The following FILIP1L variants were observed in gnomAD, a reference collection of about 807,000 sequenced individuals.
FILIP1L encodes the protein filamin A interacting protein 1 like.
Under a neutral mutation model 96.6 loss-of-function variants are expected in FILIP1L, and 55 were observed. The observed-to-expected ratio is 0.57, with a 90% CI of 0.46 to 0.71. The LOEUF (loss-of-function observed/expected upper bound fraction) is 0.71, where lower values mean the gene tolerates loss of function less well. Ranked by LOEUF, FILIP1L falls within the 30% of genes least tolerant of loss-of-function variation. FILIP1L has a pLI of 0.00. For missense variants in FILIP1L, 1,304 were observed against 1,321.2 expected (o/e 0.99, Z 0.20); for synonymous variants, 467 against 473.9 (o/e 0.99, Z 0.19).
chr3:99,980,324 C>T (rs1164811165), intron 1 of FILIP1L, among the ~76,000 whole-genome samples: 2 of 152,058 alleles, frequency 1.3e-5, no homozygotes, highest in African/African-American at 2.4e-5. Flanking sequence ...TTTGCTCACC[C>T]GTAATCTCTG....
intron 1 of FILIP1L, among the ~76,000 whole-genome samples, chr3:99,988,433 A>G (rs1468948298): frequency 6.9e-6 from 1 of 145,402 alleles, no homozygotes; most frequent in African/African-American, 2.6e-5. Flanking sequence ...AATCGCTTGA[A>G]TGTGGGAGGC....
chr3:99,829,224 A>G lies in FILIP1L; in HGVS notation c.*1190T>C, dbSNP rs1942598062. ...CACAAAAAATGTTTAGTGTCGTTCCATTGATTTTTTTCCCCCCTCGATTGA... is the reference window on the plus strand; with the variant it reads ...CACAAAAAATGTTTAGTGTCGTTCCGTTGATTTTTTTCCCCCCTCGATTGA... On this transcript the variant is annotated 3_prime_UTR_variant, in exon 6 of 6. Transcript: ENST00000477258. 9.5e-6 allele frequency among the ~76,000 whole-genome samples: 1 copy of G among 104,726 alleles called. No homozygotes were observed. The highest frequency in any genetic ancestry group is 3.1e-5 in the African/African-American group (1 of 32,636). The allele number at this position is 104,726 out of a possible 152,430, so 68.7% of individuals were successfully genotyped here.
intron 1 of FILIP1L, among the ~76,000 whole-genome samples, chr3:99,944,597 C>G (rs965857358): frequency 5.3e-5 from 8 of 152,176 alleles, no homozygotes; most frequent in African/African-American, 1.7e-4. Context: ...GTTAAAGTAA[C>G]CGAAACCTAA....
At chr3:100,075,176 AGAAATGATCAACCT>A (rs1164521940) in intron 1 of FILIP1L, among the ~76,000 whole-genome samples, 2 of 152,246 alleles carry the variant, frequency 1.3e-5, no homozygotes, top group African/African-American at 2.4e-5. Flanking sequence ...CGTCAAAACC[AGAAATGATCAACCT>A]GAAACACTTC....
At chr3:100,001,282 A>G (rs1709834455) in intron 1 of FILIP1L, among the ~76,000 whole-genome samples, 1 of 152,224 alleles carries the variant, frequency 6.6e-6, no homozygotes, top group African/African-American at 2.4e-5. Flanking sequence ...TTATTGGAAC[A>G]TGGCTATACT....
chr3:99,837,947 A>G (rs904515031), intron 5 of FILIP1L, among the ~76,000 whole-genome samples: 1 of 152,210 alleles, frequency 6.6e-6, no homozygotes, highest in African/African-American at 2.4e-5. Flanking sequence ...GCAGCCACCT[A>G]CTTATAAGCT....
intron 1 of FILIP1L, among the ~76,000 whole-genome samples, chr3:99,979,755 A>G (rs1159332694): frequency 6.6e-6 from 1 of 152,168 alleles, no homozygotes; most frequent in Admixed American, 6.5e-5. Flanking sequence ...TTGCTCTAGT[A>G]TTGTAAGGAT....
In FILIP1L at chr3:99,924,312, A is replaced by G; in HGVS notation, c.523T>C (p.Leu175=). ...TTATGTTTTCTCTTTTCTTCCTCCA[A>G]CTCCAATATGGTTTGCCTACGGGAT... ...EKSRRQTILE[L]EEEKRKHKEY... is the part of the protein sequence containing the mutation. Residue 175 remains leucine, a synonymous_variant, in exon 4 of 6, where the codon TTG becomes CTG. Coordinates refer to ENST00000477258, the MANE Select transcript of FILIP1L (RefSeq NM_001387850.1). 1 of 1,613,578 alleles carries G rather than the reference A, an allele frequency of 6.2e-7. No individual in the cohort carries two copies.
chr3:99,856,218 G>C (rs750952824), intron 4 of FILIP1L, among the ~76,000 whole-genome samples: 26 of 152,366 alleles, frequency 1.7e-4, no homozygotes, highest in Non-Finnish European at 2.9e-4. Context: ...TTCCAACCCA[G>C]GAAGATGCAC....
chr3:100,061,338 G>GAA (rs1163973729), intron 1 of FILIP1L, among the ~76,000 whole-genome samples: 1 of 152,168 alleles, frequency 6.6e-6, no homozygotes, highest in Non-Finnish European at 1.5e-5. Flanking sequence ...CATGACATTC[G>GAA]AAAATCTTCA....
At chr3:100,034,557 A>C (rs1165017615) in intron 1 of FILIP1L, among the ~76,000 whole-genome samples, 1 of 152,196 alleles carries the variant, frequency 6.6e-6, no homozygotes, top group Non-Finnish European at 1.5e-5. Flanking sequence ...TGGGGCCTCA[A>C]ATCCCATCTG....
At chr3:99,895,406 C>T (rs1242511346) in intron 4 of FILIP1L, among the ~76,000 whole-genome samples, 1 of 149,870 alleles carries the variant, frequency 6.7e-6, no homozygotes, top group African/African-American at 2.5e-5. Context: ...ACTATGTATC[C>T]CATAACATAT....
intron 1 of FILIP1L, among the ~76,000 whole-genome samples, chr3:100,063,501 AG>A (rs2107351043): frequency 6.6e-6 from 1 of 152,298 alleles, no homozygotes; most frequent in East Asian, 1.9e-4. Flanking sequence ...TTTAAAAAAA[AG>A]AAAAACTTTA....
chr3:99,832,971 A>T (rs1370299885), intron 5 of FILIP1L, among the ~76,000 whole-genome samples: 1 of 151,922 alleles, frequency 6.6e-6, no homozygotes, highest in East Asian at 1.9e-4. Flanking sequence ...CGTTATGTCA[A>T]ATAGCTCCAA....
intron 1 of FILIP1L, among the ~76,000 whole-genome samples, chr3:99,947,327 A>C (rs906340870): frequency 2.0e-5 from 3 of 152,156 alleles, no homozygotes; most frequent in Non-Finnish European, 4.4e-5. Flanking sequence ...AGGGAACATT[A>C]GCTATTGTCA....
intron 4 of FILIP1L, among the ~76,000 whole-genome samples, chr3:99,901,732 A>T (rs1488272879): frequency 1.3e-5 from 2 of 152,160 alleles, no homozygotes; most frequent in East Asian, 1.9e-4. Flanking sequence ...TCTGGACGGG[A>T]TGTAAGTAAT....
intron 1 of FILIP1L, among the ~76,000 whole-genome samples, chr3:100,103,856 G>A (rs1313398077): frequency 2.6e-5 from 4 of 152,156 alleles, no homozygotes; most frequent in East Asian, 1.9e-4. Flanking sequence ...CTGTGTGTTG[G>A]CAGCATTATC....
At chr3:100,077,978 C>T (rs2065876036) in intron 1 of FILIP1L, among the ~76,000 whole-genome samples, 3 of 151,862 alleles carry the variant, frequency 2.0e-5, no homozygotes, top group Non-Finnish European at 4.4e-5. Context: ...TACTCAGACT[C>T]TAAAATGGAA....
intron 1 of FILIP1L, among the ~76,000 whole-genome samples, chr3:100,044,195 C>A (rs1250152498): frequency 6.6e-6 from 1 of 152,156 alleles, no homozygotes; most frequent in Non-Finnish European, 1.5e-5. Context: ...ATTCATTTAA[C>A]AAATTTTGAT....
Sources: gnomAD v4.1 joint callset for allele counts (sites outside exome capture counted in the v4.1 genomes callset) on GRCh38, gnomAD v4.1.1 for gene constraint, MANE v1.5 for transcripts, NCBI Gene and HGNC (gene_info 2026-07-23, HGNC 2026-07-21) for gene names.